The following ABCB5 variants were observed in gnomAD, a reference collection of about 807,000 sequenced individuals.
ABCB5 encodes ATP-binding cassette sub-family B member 5.
Under a neutral mutation model 144.2 loss-of-function variants are expected in ABCB5, and 155 were observed. The ratio of observed to expected loss-of-function variants is 1.08; its 90% CI spans 0.94 to 1.23. The LOEUF (loss-of-function observed/expected upper bound fraction) is 1.23. Among genes scored for constraint, ABCB5 ranks in the 50% most tolerant of loss-of-function variants. ABCB5 has a pLI of 0.00. For missense variants in ABCB5, 1,830 were observed against 1,520.8 expected (o/e 1.20, Z -3.38); for synonymous variants, 610 against 528.6 (o/e 1.15, Z -2.11).
rs749651198 is a variant in ABCB5 at position 20,651,599 on chromosome 7, T to C, written c.1512T>C (p.Tyr504=). The C allele has an allele frequency of 6.2e-6, 10 of 1,614,012 alleles. No individual in the cohort carries two copies. The South Asian group carries it at 8.8e-5, about 14-fold the overall frequency. The change falls in exon 13 of 28, where the codon TAT becomes TAC. Residue 504 remains tyrosine (Y), a synonymous_variant. Transcript: ENST00000404938. ...GAGCAGCAAGGGAAGCAAATGCGTATGATTTTATCATGGAGTTTCCTAATG... is the reference window on the plus strand; with the variant it reads ...GAGCAGCAAGGGAAGCAAATGCGTACGATTTTATCATGGAGTTTCCTAATG... ...MERAAREANA[Y]DFIMEFPNKF... is the part of the protein sequence containing the mutation.
chr7:20,723,799 G>A (rs1161935875), intron 21 of ABCB5, among the ~76,000 whole-genome samples: 1 of 152,182 alleles, frequency 6.6e-6, no homozygotes, highest in Non-Finnish European at 1.5e-5. Flanking sequence ...AGCAGTTACT[G>A]AATGCAAGGC....
chr7:20,742,676 G>A (rs1291051357), intron 24 of ABCB5, among the ~76,000 whole-genome samples: 2 of 152,138 alleles, frequency 1.3e-5, no homozygotes, highest in African/African-American at 4.8e-5. Flanking sequence ...AAGATAACAA[G>A]AAACACAGAC....
In ABCB5 at chr7:20,647,611, G is replaced by T. The variant is rs1490611073; in HGVS notation, c.1058G>T (p.Arg353Leu). 1.3e-6 allele frequency: 2 copies of T among 1,583,256 alleles called. No homozygotes were observed. The highest frequency in any genetic ancestry group is 1.7e-6 in the Non-Finnish European group (2 of 1,163,048). The change falls in exon 10 of 28, where the codon CGA becomes CTA. Residue 353 changes from arginine to leucine, a missense_variant. Transcript: ENST00000404938. ...CACTTTGAAACCTTCGCAATAGCCCGAGGAGCTGCCTTTCATATTTTCCAG... is the reference window on the plus strand; with the variant it reads ...CACTTTGAAACCTTCGCAATAGCCCTAGGAGCTGCCTTTCATATTTTCCAG... The part of the protein sequence containing the change: ...VPHFETFAIA[R>L]GAAFHIFQVI...
intron 3 of ABCB5, among the ~76,000 whole-genome samples, chr7:20,627,622 TG>T (rs918807526): frequency 6.6e-6 from 1 of 152,160 alleles, no homozygotes; most frequent in African/African-American, 2.4e-5. Context: ...ATTCAATAGA[TG>T]GCTTTCAGGC....
intron 19 of ABCB5, among the ~76,000 whole-genome samples, chr7:20,704,035 G>T (rs1319350433): frequency 2.3e-5 from 3 of 127,730 alleles, no homozygotes; most frequent in Non-Finnish European, 4.9e-5. Context: ...TAGGTAGAAA[G>T]TTTTGAAGAT....
intron 5 of ABCB5, among the ~76,000 whole-genome samples, chr7:20,634,336 G>C (rs540964215): frequency 1.3e-5 from 2 of 151,644 alleles, no homozygotes; most frequent in South Asian, 4.2e-4. Context: ...CTTTGCTATT[G>C]TGAATAGGGC....
Position 20,723,098 on chromosome 7 carries a change from G to T in ABCB5, c.2504G>T (p.Trp835Leu). The T allele has an allele frequency of 6.2e-7, 1 of 1,614,056 alleles. No homozygotes were observed. The highest frequency in any genetic ancestry group is 1.1e-5 in the South Asian group (1 of 91,084). ...GTTATCATTTCCTTTATATATGGAT[G>T]GGAGATGACATTCCTGATTCTGAGT... ...LSVIISFIYG[W>L]EMTFLILSIA... The change falls in exon 21 of 28, where the codon TGG (tryptophan) becomes TTG (leucine). Residue 835 changes from tryptophan to leucine, a missense_variant. Transcript: ENST00000404938.
At chr7:20,668,494 C>G (rs1785302942) in intron 14 of ABCB5, among the ~76,000 whole-genome samples, 1 of 151,962 alleles carries the variant, frequency 6.6e-6, no homozygotes, top group Non-Finnish European at 1.5e-5. Flanking sequence ...GGCAACCGCC[C>G]CGTCTGAGAA....
intron 1 of ABCB5, among the ~76,000 whole-genome samples, chr7:20,618,869 G>T (rs1583370757): frequency 7.2e-6 from 1 of 138,456 alleles, no homozygotes; most frequent in South Asian, 2.4e-4. Context: ...CCACCTCCCG[G>T]GTTCAAGAGA....
intron 14 of ABCB5, chr7:20,667,562 G>A (rs941523896): frequency 1.1e-5 from 11 of 970,216 alleles, no homozygotes; most frequent in Admixed American, 6.2e-5. Flanking sequence ...ACATTAATTT[G>A]AGAACTGTTG....
At chr7:20,691,004 A>T (rs942689007) in intron 16 of ABCB5, among the ~76,000 whole-genome samples, 33 of 152,126 alleles carry the variant, frequency 2.2e-4, no homozygotes, top group Non-Finnish European at 2.4e-4. Flanking sequence ...TGAACAAAAT[A>T]TGTGAAATAA....
chr7:20,755,469 T>C lies in ABCB5; in HGVS notation c.3619T>C (p.Cys1207Arg), dbSNP rs199945642. Residue 1207 changes from cysteine (C) to arginine (R), a missense_variant, in exon 28 of 28, where the codon TGC (cysteine) becomes CGC (arginine). Transcript: ENST00000404938. Reference sequence around the variant, plus strand: ...TGATAAAGCCAGGACGGGAAGGACATGCCTAGTGGTCACTCACAGGCTCTC... The same window carrying C: ...TGATAAAGCCAGGACGGGAAGGACACGCCTAGTGGTCACTCACAGGCTCTC... ...ALDKARTGRT[C>R]LVVTHRLSAI... is the part of the protein sequence containing the mutation. 5 of 1,614,208 alleles carry C rather than the reference T, an allele frequency of 3.1e-6. No individual in the cohort carries two copies. Among genetic ancestry groups the C allele is most frequent in the African/African-American group, 2.7e-5 (2 of 75,048 alleles).
rs956879516 is a variant in ABCB5, at chr7:20,645,897, A to G, written c.803+17A>G. On this transcript the variant is annotated intron_variant, in intron 8 of 27. Transcript: ENST00000404938. ...ACTTCAAAGGTCTTTCCTTTTAAATATAACAAGATATGCTTGGTTTTATTT... is the reference window on the plus strand; with the variant it reads ...ACTTCAAAGGTCTTTCCTTTTAAATGTAACAAGATATGCTTGGTTTTATTT... The G allele has an allele frequency of 3.1e-6, 5 of 1,612,946 alleles. No individual in the cohort carries two copies. Among genetic ancestry groups the G allele is most frequent in the African/African-American group, 2.7e-5 (2 of 74,848 alleles).
In ABCB5 at chr7:20,658,683, G is replaced by A; in HGVS notation, c.1707+7G>A. 1 of 1,612,326 alleles carries A rather than the reference G, an allele frequency of 6.2e-7. No homozygotes were observed. Among genetic ancestry groups the A allele is most frequent in the Non-Finnish European group, 8.5e-7 (1 of 1,179,466 alleles). On this transcript the variant is annotated splice_region_variant and intron_variant, in intron 14 of 27. Coordinates refer to ENST00000404938, the MANE Select transcript of ABCB5 (RefSeq NM_001163941.2). Reference sequence around the variant, plus strand: ...TCAAGCTGCACTGGAGAAGGTAAGTGAGCAGAAACGTTTCTTATTTCCATA... The same window carrying A: ...TCAAGCTGCACTGGAGAAGGTAAGTAAGCAGAAACGTTTCTTATTTCCATA...
At chr7:20,645,904 G>C in intron 8 of ABCB5, 24 bp downstream of exon 8, 1 of 1,612,840 alleles carries the variant, frequency 6.2e-7, no homozygotes. Context: ...AATATAACAA[G>C]ATATGCTTGG....
rs547269213 is a variant in ABCB5, at chr7:20,692,039, G to C, written c.2010+6203G>C. ...CATTTATTATATCTATATTCCGTAT[G>C]TACATATGTCCCCAAAGGAAGTCCA... On this transcript the variant is annotated intron_variant, in intron 16 of 27. Transcript: ENST00000404938. 1.1e-4 allele frequency among the ~76,000 whole-genome samples: 16 copies of C among 152,202 alleles called. 1 individual carries two copies. In the South Asian group the frequency reaches 3.3e-3, roughly 32 times the overall value.
intron 15 of ABCB5, 77 bp from the exon 16 acceptor site, chr7:20,685,619 T>G: frequency 2.2e-6 from 3 of 1,337,540 alleles, no homozygotes; most frequent in Non-Finnish European, 2.0e-6. Flanking sequence ...GATAACAGCT[T>G]TAAAGAGATG....
intron 20 of ABCB5, among the ~76,000 whole-genome samples, chr7:20,711,853 C>CT (rs1562573854): frequency 1.4e-5 from 1 of 71,750 alleles, no homozygotes; most frequent in Non-Finnish European, 2.6e-5. Flanking sequence ...TCTTTTCTTT[C>CT]TTTCTTTCCT....
At chr7:20,718,810 C>T (rs1220351031) in intron 20 of ABCB5, among the ~76,000 whole-genome samples, 4 of 151,852 alleles carry the variant, frequency 2.6e-5, no homozygotes, top group Non-Finnish European at 4.4e-5. Context: ...TCAAATTATC[C>T]CAGATTCAGC....
Sources: gnomAD v4.1 joint callset for allele counts (sites outside exome capture counted in the v4.1 genomes callset) on GRCh38, gnomAD v4.1.1 for gene constraint, MANE v1.5 for transcripts, NCBI Gene and HGNC (gene_info 2026-07-23, HGNC 2026-07-21) for gene names.